Variants in BICC1 observed in about 807,000 individuals in gnomAD.
The protein encoded by BICC1 is protein bicaudal C homolog 1.
BICC1 carries 43 observed loss-of-function variants against 111.0 expected under a neutral mutation model. That is an observed-to-expected ratio of 0.39 (90% CI 0.30 to 0.50). The LOEUF is 0.50. Ranked by LOEUF, BICC1 falls within the 20% of genes least tolerant of loss-of-function variation. The pLI is 0.88. For synonymous variants in BICC1, 467 were observed against 434.4 expected, an observed-to-expected ratio of 1.07 and a Z score of -0.93; for missense variants, 1,091 against 1,203.2, an observed-to-expected ratio of 0.91 and a Z score of 1.38.
At chr10:58,606,215 T>C (rs12258523) in intron 1 of BICC1, among the ~76,000 whole-genome samples, 50,048 of 152,104 alleles carry the variant, frequency 0.33, 9,009 homozygotes, top group South Asian at 0.48. Context: ...CAGTTAATTA[T>C]ATAAGGGAAA....
At chr10:58,827,596 G>A (rs1209182091) in intron 20 of BICC1, among the ~76,000 whole-genome samples, 1 of 152,180 alleles carries the variant, frequency 6.6e-6, no homozygotes, top group Non-Finnish European at 1.5e-5. Flanking sequence ...CGATGAGGAA[G>A]ACATAGAAGA....
intron 3 of BICC1, among the ~76,000 whole-genome samples, chr10:58,783,900 A>T (rs1443668831): frequency 6.6e-6 from 1 of 152,154 alleles, no homozygotes; most frequent in Non-Finnish European, 1.5e-5. Flanking sequence ...ATAAGAGAAT[A>T]CCTGGATTGC....
At chr10:58,545,156 C>G (rs1843103847) in intron 1 of BICC1, among the ~76,000 whole-genome samples, 1 of 152,092 alleles carries the variant, frequency 6.6e-6, no homozygotes, top group Non-Finnish European at 1.5e-5. Flanking sequence ...GCACTAGCAA[C>G]TAATACAAGG....
Position 58,807,040 on chromosome 10 carries a change from C to T in BICC1, c.2258C>T (p.Thr753Met), listed in dbSNP as rs554979199. The T allele has an allele frequency of 2.4e-5, 39 of 1,613,734 alleles. No homozygotes were observed. The highest frequency in any genetic ancestry group is 2.2e-4 in the East Asian group (10 of 44,824). Reference sequence around the variant, plus strand: ...AAACCAGTGGTGACGGAGGTCAGAACGCCCACAAATACCTGGAGTGGCCTG... The same window carrying T: ...AAACCAGTGGTGACGGAGGTCAGAATGCCCACAAATACCTGGAGTGGCCTG... The part of the protein sequence containing the change: ...LKKPVVTEVR[T>M]PTNTWSGLGF... The change falls in exon 17 of 21, where the codon ACG (threonine) becomes ATG (methionine). Residue 753 changes from threonine to methionine, a missense_variant. By Grantham distance (81) the Thr-to-Met change is moderately conservative (BLOSUM62 -1). Coordinates refer to ENST00000373886, the MANE Select transcript of BICC1 (RefSeq NM_001080512.3).
chr10:58,789,664 C>G lies in BICC1; in HGVS notation c.796-18C>G, dbSNP rs751390393. On this transcript the variant is annotated intron_variant, in intron 7 of 20. Coordinates refer to ENST00000373886, the MANE Select transcript of BICC1 (RefSeq NM_001080512.3). ...AGTTAATGTATAGGATTATTTCTTT[C>G]CCACCCTTTTCTCTTAGGAAGGAAC... The G allele has an allele frequency of 1.2e-6, 2 of 1,613,472 alleles. No individual in the cohort carries two copies. The highest frequency in any genetic ancestry group is 2.2e-5 in the South Asian group (2 of 91,022).
chr10:58,648,717 A>G (rs1421948313), intron 2 of BICC1: 29 of 931,108 alleles, frequency 3.1e-5, no homozygotes, highest in Non-Finnish European at 3.5e-5. Flanking sequence ...TTGTTTGACC[A>G]TAATGCTACT....
chr10:58,522,626 T>A (rs1842422385), intron 1 of BICC1, among the ~76,000 whole-genome samples: 1 of 152,096 alleles, frequency 6.6e-6, no homozygotes, highest in South Asian at 2.1e-4. Context: ...ATTGATACCC[T>A]AACATCACAA....
At chr10:58,592,737 C>T (rs1048415240) in intron 1 of BICC1, among the ~76,000 whole-genome samples, 7 of 150,412 alleles carry the variant, frequency 4.7e-5, no homozygotes, top group African/African-American at 1.2e-4. Flanking sequence ...AATAGCTGGG[C>T]CTGTTGGCGT....
chr10:58,659,827 A>T (rs1303829468), intron 2 of BICC1, among the ~76,000 whole-genome samples: 1 of 152,216 alleles, frequency 6.6e-6, no homozygotes, highest in Admixed American at 6.5e-5. Context: ...TAAAATAAAA[A>T]TCTGAGAAAC....
Position 58,513,220 on chromosome 10 carries a change from C to A in BICC1, c.77C>A (p.Ser26Tyr), listed in dbSNP as rs1348981175. The change falls in exon 1 of 21, where the codon TCC becomes TAC. Residue 26 changes from serine to tyrosine, a missense_variant. Ser to Tyr is a moderately radical substitution (Grantham distance 144, BLOSUM62 -2). Around this residue, in one of 3 missense-constraint regions of BICC1, gnomAD observed 843 missense variants for 900.8 expected, o/e 0.94. Transcript: ENST00000373886. ...TCCAACAGCGAGCGCAGCACCGACT[C>A]CCCAGTGCCCGGCTCCGAGGACGAC... ...PGSNSERSTD[S>Y]PVPGSEDDLV... 1 of 1,611,790 alleles carries A rather than the reference C, an allele frequency of 6.2e-7. No homozygotes were observed. Among genetic ancestry groups the A allele is most frequent in the Non-Finnish European group, 8.5e-7 (1 of 1,179,344 alleles).
intron 18 of BICC1, chr10:58,814,324 AGTATTCT>A (rs1157007301): frequency 8.5e-6 from 5 of 585,816 alleles, no homozygotes; most frequent in Non-Finnish European, 1.5e-5. Context: ...CCATGTGTCA[AGTATTCT>A]GTTATGCTCT....
At chr10:58,550,792 C>T (rs1843276089) in intron 1 of BICC1, among the ~76,000 whole-genome samples, 1 of 152,046 alleles carries the variant, frequency 6.6e-6, no homozygotes, top group Admixed American at 6.6e-5. Context: ...TTCCATTGAC[C>T]AATGCATCTA....
intron 2 of BICC1, among the ~76,000 whole-genome samples, chr10:58,685,948 T>C (rs1839710546): frequency 6.6e-6 from 1 of 152,216 alleles, no homozygotes; most frequent in Non-Finnish European, 1.5e-5. Flanking sequence ...TGATGCAGTT[T>C]CTTCCTAGCA....
intron 3 of BICC1, among the ~76,000 whole-genome samples, chr10:58,731,384 C>T (rs559993960): frequency 1.3e-5 from 2 of 152,182 alleles, no homozygotes; most frequent in Non-Finnish European, 2.9e-5. Context: ...CCTCATCTTC[C>T]TGTCTTCTTC....
At chr10:58,823,929 A>G in intron 20 of BICC1, 2 of 985,324 alleles carry the variant, frequency 2.0e-6, no homozygotes, top group African/African-American at 3.5e-5. Flanking sequence ...GCTTTTAATA[A>G]CTGTGTTTCT....
chr10:58,525,198 A>C (rs1274419905), intron 1 of BICC1, among the ~76,000 whole-genome samples: 3 of 133,268 alleles, frequency 2.3e-5, no homozygotes, highest in Non-Finnish European at 5.1e-5. Context: ...TTGACCCAGC[A>C]ATCCCATTAC....
At chr10:58,649,402 A>G (rs1838372337) in intron 2 of BICC1, among the ~76,000 whole-genome samples, 1 of 152,170 alleles carries the variant, frequency 6.6e-6, no homozygotes, top group South Asian at 2.1e-4. Context: ...TAACCCACCC[A>G]CGAAGCCTGC....
In BICC1 at chr10:58,813,918, T is replaced by A; in HGVS notation, c.2465T>A (p.Ile822Asn). 1 of 1,614,044 alleles carries A rather than the reference T, an allele frequency of 6.2e-7. No homozygotes were observed. The highest frequency in any genetic ancestry group is 8.5e-7 in the Non-Finnish European group (1 of 1,179,938). ...GATAACTGGAGAGACCGAAATGGAATTGGACCTGGAAGTCATAGTGAATTT... is the reference window on the plus strand; with the variant it reads ...GATAACTGGAGAGACCGAAATGGAAATGGACCTGGAAGTCATAGTGAATTT... ...ESDNWRDRNG[I>N]GPGSHSEFAA... The change falls in exon 18 of 21, where the codon ATT becomes AAT. Residue 822 changes from isoleucine to asparagine, a missense_variant. Coordinates refer to ENST00000373886, the MANE Select transcript of BICC1 (RefSeq NM_001080512.3).
chr10:58,716,105 C>G (rs1216286370), intron 3 of BICC1: 1 of 1,496,442 alleles, frequency 6.7e-7, no homozygotes, highest in Non-Finnish European at 9.1e-7. Context: ...AAGATGTATT[C>G]TGAAGATAAA....
Sources: gnomAD v4.1 joint callset for allele counts (sites outside exome capture counted in the v4.1 genomes callset) on GRCh38, gnomAD v4.1.1 for gene constraint, gnomAD v4.1.1 regional missense constraint, MANE v1.5 for transcripts, NCBI Gene and HGNC (gene_info 2026-07-23, HGNC 2026-07-21) for gene names.